The following SLC16A9 variants were observed in gnomAD, a reference collection of about 807,000 sequenced individuals.
SLC16A9 encodes the protein solute carrier family 16 member 9.
Under a neutral mutation model 44.3 loss-of-function variants are expected in SLC16A9, and 26 were observed. That is an observed-to-expected ratio of 0.59 (90% confidence interval 0.43 to 0.81). The LOEUF is 0.81. Among genes scored for constraint, SLC16A9 ranks in the 40% least tolerant of loss-of-function variants. SLC16A9 has a pLI of 0.00. For missense variants in SLC16A9, 559 were observed against 595.8 expected (o/e 0.94, Z 0.64); for synonymous variants, 230 against 225.1 (o/e 1.02, Z -0.19).
chr10:59,704,958 A>G (rs1009913961), intron 1 of SLC16A9, among the ~76,000 whole-genome samples: 1 of 152,228 alleles, frequency 6.6e-6, no homozygotes, highest in Non-Finnish European at 1.5e-5. Flanking sequence ...CACACAGAAA[A>G]ATATATGGGA....
chr10:59,663,329 C>A (rs1588966155), intron 4 of SLC16A9, among the ~76,000 whole-genome samples: 1 of 152,016 alleles, frequency 6.6e-6, no homozygotes, highest in East Asian at 1.9e-4. Flanking sequence ...CTGTTACACT[C>A]CAGCCTGGGC....
intron 1 of SLC16A9, among the ~76,000 whole-genome samples, chr10:59,697,119 GC>G (rs1840409300): frequency 9.2e-6 from 1 of 109,232 alleles, no homozygotes; most frequent in South Asian, 3.9e-4. Context: ...GGGGGGTTCA[GC>G]CCCCCGCCCA....
At chr10:59,683,693 T>C (rs928115413) in intron 2 of SLC16A9, among the ~76,000 whole-genome samples, 1 of 152,212 alleles carries the variant, frequency 6.6e-6, no homozygotes, top group African/African-American at 2.4e-5. Flanking sequence ...CCTTTGGTCC[T>C]TACCAATGTA....
At chr10:59,695,312 T>A (rs1277255031) in intron 1 of SLC16A9, among the ~76,000 whole-genome samples, 1 of 152,210 alleles carries the variant, frequency 6.6e-6, no homozygotes, top group African/African-American at 2.4e-5. Flanking sequence ...GAATTATATG[T>A]AATTTATAAT....
chr10:59,654,210 A>G lies in SLC16A9; in HGVS notation c.816T>C (p.Val272=). 11 of 1,614,150 alleles carry G rather than the reference A, an allele frequency of 6.8e-6. No individual in the cohort carries two copies. Among genetic ancestry groups the G allele is most frequent in the South Asian group, 6.6e-5 (6 of 91,082 alleles). Residue 272 remains valine (V), a synonymous_variant, in exon 5 of 6, where the codon GTT becomes GTC. Coordinates refer to ENST00000395348, the MANE Select transcript of SLC16A9 (RefSeq NM_194298.3). ...TKEPETYKKK[V]AEQTYFCKQL... is the part of the protein sequence containing the mutation. ...GTTTGCAAAAATATGTCTGTTCTGC[A>G]ACTTTCTTTTTGTACGTTTCAGGCT...
chr10:59,699,098 A>T (rs1361105413), intron 1 of SLC16A9, among the ~76,000 whole-genome samples: 1 of 152,142 alleles, frequency 6.6e-6, no homozygotes, highest in Non-Finnish European at 1.5e-5. Flanking sequence ...TCTTTCCCCA[A>T]TTCTGCTTTA....
rs12256335 is a variant in SLC16A9 at position 59,662,649 on chromosome 10, A to G, written c.436+1578T>C. Among the ~76,000 whole-genome samples the G allele has an allele frequency of 2.1e-3, 316 of 147,382 alleles. 2 individuals carry two copies. Among genetic ancestry groups the G allele is most frequent in the African/African-American group, 7.5e-3 (295 of 39,186 alleles). On this transcript the variant is annotated intron_variant, in intron 4 of 5. Transcript: ENST00000395348. Reference sequence around the variant, plus strand: ...ACTCCATCTCAAAAAAAAAAAAAAAAAAAAGAAAAGAAAAAAAGAAGACAT... The same window carrying G: ...ACTCCATCTCAAAAAAAAAAAAAAAGAAAAGAAAAGAAAAAAAGAAGACAT...
Position 59,678,546 on chromosome 10 carries a change from C to CTTTTTTTTTTTTTTTTTTTTTTTTT in SLC16A9, c.196+5549_196+5550insAAAAAAAAAAAAAAAAAAAAAAAAA, listed in dbSNP as rs751112027. Among the ~76,000 whole-genome samples the CTTTTTTTTTTTTTTTTTTTTTTTTT allele has an allele frequency of 3.9e-4, 12 of 30,614 alleles. 3 individuals are homozygous for CTTTTTTTTTTTTTTTTTTTTTTTTT. Among genetic ancestry groups the CTTTTTTTTTTTTTTTTTTTTTTTTT allele is most frequent in the Non-Finnish European group, 4.2e-4 (6 of 14,172 alleles). 20.1% of individuals were successfully genotyped at this position (30,614 alleles called of 152,430 possible). On this transcript the variant is annotated intron_variant, in intron 2 of 5. Coordinates refer to ENST00000395348, the MANE Select transcript of SLC16A9 (RefSeq NM_194298.3). ...ATCTTTTTTTTTTCTTTTTCTTTTT[C>CTTTTTTTTTTTTTTTTTTTTTTTTT]TTTTTTTTGAGACGGAGTCTCGCTC...
chr10:59,683,757 A>T (rs1840072281), intron 2 of SLC16A9, among the ~76,000 whole-genome samples: 1 of 152,144 alleles, frequency 6.6e-6, no homozygotes. Context: ...TCTTACTCAT[A>T]TATGTGTGTA....
intron 4 of SLC16A9, among the ~76,000 whole-genome samples, chr10:59,660,676 C>A (rs908233321): frequency 6.6e-6 from 1 of 152,108 alleles, no homozygotes; most frequent in African/African-American, 2.4e-5. Context: ...ATCCTGATAC[C>A]AAAACCTGGC....
chr10:59,684,052 T>G, intron 2 of SLC16A9, 44 bp downstream of exon 2: 1 of 1,506,792 alleles, frequency 6.6e-7, no homozygotes, highest in Non-Finnish European at 9.1e-7. Context: ...TAAATGTAAT[T>G]AAATGATTAA....
chr10:59,697,012 C>G (rs1840404076), intron 1 of SLC16A9, among the ~76,000 whole-genome samples: 2 of 98,272 alleles, frequency 2.0e-5, no homozygotes, highest in South Asian at 5.0e-4. Flanking sequence ...GGCCAGCCGC[C>G]CCGTCCGGGA....
chr10:59,697,097 G>C lies in SLC16A9; in HGVS notation c.-37+12382C>G, dbSNP rs183366150. ...CTCTGCCCCGCCAGCCGCCCTGTCC[G>C]GGAGGGAGGTGGGGGGGTTCAGCCC... On this transcript the variant is annotated intron_variant, in intron 1 of 5. Transcript: ENST00000395348. Among the ~76,000 whole-genome samples the C allele has an allele frequency of 9.5e-3, 879 of 92,916 alleles. 180 individuals are homozygous for C. The highest frequency in any genetic ancestry group is 0.034 in the African/African-American group (805 of 23,916). The allele number at this position is 92,916 out of a possible 152,430, so 61.0% of individuals were successfully genotyped here.
At chr10:59,659,322 C>T (rs1011591984) in intron 4 of SLC16A9, among the ~76,000 whole-genome samples, 4 of 152,084 alleles carry the variant, frequency 2.6e-5, no homozygotes, top group Non-Finnish European at 4.4e-5. Context: ...GAGACATGAT[C>T]AGCATCAGTC....
intron 1 of SLC16A9, among the ~76,000 whole-genome samples, chr10:59,689,646 C>A (rs552522956): frequency 6.6e-6 from 1 of 152,312 alleles, no homozygotes; most frequent in South Asian, 2.1e-4. Context: ...GTTTCTCCAA[C>A]CTTCCACGTT....
At chr10:59,655,624 C>T (rs539829167) in intron 4 of SLC16A9, among the ~76,000 whole-genome samples, 4 of 152,210 alleles carry the variant, frequency 2.6e-5, no homozygotes, top group South Asian at 4.1e-4. Flanking sequence ...ACCTTTTTAG[C>T]ACTGATCACA....
Position 59,654,130 on chromosome 10 carries a change from G to T in SLC16A9, c.896C>A (p.Ala299Asp). 6.2e-7 allele frequency: 1 copy of T among 1,614,130 alleles called. No individual in the cohort carries two copies. The highest frequency in any genetic ancestry group is 8.5e-7 in the Non-Finnish European group (1 of 1,180,022). Residue 299 changes from alanine to aspartate, a missense_variant, in exon 5 of 6, where the codon GCT becomes GAT. Physicochemically the swap from Ala to Asp is moderately radical, Grantham distance 126. Transcript: ENST00000395348. The part of the protein sequence containing the change: ...LYKNYCGETV[A>D]LFKNKVFSAL... ...TGAAAATACTTTGTTTTTAAAAAGA[G>T]CCACAGTTTCACCACAGTAGTTTTT... is the stretch of plus-strand genomic sequence containing the variant.
intron 1 of SLC16A9, among the ~76,000 whole-genome samples, chr10:59,685,454 C>T (rs1373433449): frequency 1.3e-5 from 2 of 152,192 alleles, no homozygotes. Flanking sequence ...CACTGGCAAA[C>T]TCAAGTATAG....
intron 3 of SLC16A9, among the ~76,000 whole-genome samples, chr10:59,671,689 T>C (rs1588972382): frequency 6.6e-6 from 1 of 152,152 alleles, no homozygotes; most frequent in Non-Finnish European, 1.5e-5. Context: ...GCCCTGTAAC[T>C]CCACCATCAG....
Sources: gnomAD v4.1 joint callset for allele counts (sites outside exome capture counted in the v4.1 genomes callset) on GRCh38, gnomAD v4.1.1 for gene constraint, MANE v1.5 for transcripts, NCBI Gene and HGNC (gene_info 2026-07-23, HGNC 2026-07-21) for gene names.